The following SGTA variants were observed in gnomAD, a reference collection of about 807,000 sequenced individuals.
SGTA encodes small glutamine rich tetratricopeptide repeat co-chaperone alpha.
SGTA carries 22 observed loss-of-function variants against 44.3 expected under a neutral mutation model. The observed-to-expected ratio is 0.50, with a 90% CI of 0.36 to 0.71. SGTA has a LOEUF of 0.71. Among genes scored for constraint, SGTA ranks in the 30% least tolerant of loss-of-function variants. SGTA has a pLI of 0.00. For synonymous variants in SGTA, 174 were observed against 177.6 expected, an observed-to-expected ratio of 0.98 and a Z score of 0.16; for missense variants, 341 against 435.9, an observed-to-expected ratio of 0.78 and a Z score of 1.94.
At chr19:2,757,659 C>T (rs376853277) in intron 10 of SGTA, 34 bp downstream of exon 10, 76 of 1,506,248 alleles carry the variant, frequency 5.0e-5, no homozygotes, top group African/African-American at 1.7e-4. Context: ...CCGCCGCCCA[C>T]GTCCTCCGTC....
At position 2,767,672 on chromosome 19, in the gene SGTA, G is replaced by C; in HGVS notation, c.115C>G (p.Leu39Val). ...ACCGTCACCCCAAACGCAGTCTCCA[G>C]GCACTGGATGGCGACTGAAGCGGGG... ...QESLEVAIQC[L>V]ETAFGVTVED... The change falls in exon 3 of 12, where the codon CTG becomes GTG. Residue 39 changes from leucine (L) to valine (V), a missense_variant. Physicochemically the swap from Leu to Val is conservative, Grantham distance 32. Coordinates refer to ENST00000221566, the MANE Select transcript of SGTA (RefSeq NM_003021.4). The surrounding 1 kb of genome is among the most constrained non-coding windows in gnomAD (Gnocchi z 7.3). 4 of 1,613,528 alleles carry C rather than the reference G, an allele frequency of 2.5e-6. No individual in the cohort carries two copies. Among genetic ancestry groups the C allele is most frequent in the Non-Finnish European group, 3.4e-6 (4 of 1,179,760 alleles).
rs1464410752 is a variant in SGTA, at chr19:2,767,690, AAGCGGGGAC to A, written c.101-13_101-5del. The A allele has an allele frequency of 6.2e-7, 1 of 1,611,156 alleles. No homozygotes were observed. Among genetic ancestry groups the A allele is most frequent in the African/African-American group, 1.3e-5 (1 of 74,882 alleles). On this transcript the variant is annotated splice_region_variant and splice_polypyrimidine_tract_variant and intron_variant, in intron 2 of 11. Transcript: ENST00000221566. The surrounding 1 kb of genome is among the most constrained non-coding windows in gnomAD (Gnocchi z 7.3). ...GTCTCCAGGCACTGGATGGCGACTG[AAGCGGGGAC>A]AGAGGCGGTCCCATTCATTGCACGC...
intron 1 of SGTA, among the ~76,000 whole-genome samples, chr19:2,780,556 T>C (rs1208295591): frequency 6.6e-6 from 1 of 152,152 alleles, no homozygotes; most frequent in South Asian, 2.1e-4. Flanking sequence ...TCACCTCCCC[T>C]GCCCAACTCC....
intron 8 of SGTA, among the ~76,000 whole-genome samples, chr19:2,759,972 AAAAT>A (rs989417612): frequency 1.3e-5 from 2 of 151,982 alleles, no homozygotes; most frequent in Non-Finnish European, 2.9e-5. Context: ...AAAAGAAGTA[AAAAT>A]AAATAAATAA....
At chr19:2,772,834 A>T (rs59579366) in intron 1 of SGTA, among the ~76,000 whole-genome samples, 19,329 of 108,176 alleles carry the variant, frequency 0.18, 1,824 homozygotes, top group East Asian at 0.4. Flanking sequence ...GGGCAGGGAC[A>T]CCGAGGGCAG....
rs754072512 is a variant in SGTA at position 2,757,495 on chromosome 19, G to A, written c.828-38C>T. 16 of 1,597,432 alleles carry A rather than the reference G, an allele frequency of 1.0e-5. No homozygotes were observed. In the East Asian group the frequency reaches 3.6e-4, roughly 36 times the overall value. On this transcript the variant is annotated intron_variant, in intron 10 of 11. Coordinates refer to ENST00000221566, the MANE Select transcript of SGTA (RefSeq NM_003021.4). ...GCACATGGGGCTCAGCCAGGGCCAGGAGGCTGCCTGCTGCCTCCGTCCATC... is the reference window on the plus strand; with the variant it reads ...GCACATGGGGCTCAGCCAGGGCCAGAAGGCTGCCTGCTGCCTCCGTCCATC...
chr19:2,772,474 T>C (rs1915335943), intron 1 of SGTA, among the ~76,000 whole-genome samples: 1 of 152,218 alleles, frequency 6.6e-6, no homozygotes, highest in South Asian at 2.1e-4. Flanking sequence ...ACTCCCCAGC[T>C]GGGCCCCAGG....
chr19:2,759,405 C>T (rs1914921400), intron 8 of SGTA, 111 bp from the exon 9 acceptor site: 6 of 975,732 alleles, frequency 6.1e-6, no homozygotes, highest in Non-Finnish European at 9.8e-6. Context: ...AGCACGCCAA[C>T]CAACAGTAAG....
intron 1 of SGTA, chr19:2,782,730 CCTT>C (rs773788504): frequency 3.3e-5 from 5 of 152,344 alleles, no homozygotes; most frequent in South Asian, 2.1e-4. Context: ...CTGCGGCTCT[CCTT>C]CTCCTAGGCA....
At chr19:2,762,785 A>T in intron 6 of SGTA, 141 bp from the exon 7 acceptor site, 2 of 970,432 alleles carry the variant, frequency 2.1e-6, no homozygotes, top group Non-Finnish European at 3.1e-6. Flanking sequence ...AGCTCAGTGG[A>T]GACAAACCTG....
intron 1 of SGTA, among the ~76,000 whole-genome samples, chr19:2,779,121 G>A (rs1007500721): frequency 3.3e-5 from 5 of 152,182 alleles, no homozygotes; most frequent in African/African-American, 1.2e-4. Context: ...ACCGCCCCCA[G>A]CTGTAAATCA....
Position 2,761,873 on chromosome 19 carries a change from C to T in SGTA, c.637-351G>A, listed in dbSNP as rs1915003067. On this transcript the variant is annotated intron_variant, in intron 7 of 11. Transcript: ENST00000221566. The surrounding 1 kb of genome is among the most constrained non-coding windows in gnomAD (Gnocchi z 5.7). ...CCCGGGGACGGCACAGTCTATCATC[C>T]CGTGTTTATTCCCCGTACAGCGCGA... 6.8e-6 allele frequency among the ~76,000 whole-genome samples: 1 copy of T among 146,300 alleles called. No individual in the cohort carries two copies. Among genetic ancestry groups the T allele is most frequent in the African/African-American group, 2.6e-5 (1 of 38,018 alleles).
rs573793970 is a variant in SGTA, at chr19:2,756,195, A to G, written c.*7-262T>C. ...GTGTATGAGGTTACGGTGGTAAAAA[A>G]TCCACCTCAACTATTAAAAAAAGAA... On this transcript the variant is annotated intron_variant, in intron 11 of 11. Transcript: ENST00000221566. Among the ~76,000 whole-genome samples, 6 of 152,164 alleles carry G rather than the reference A, an allele frequency of 3.9e-5. No homozygotes were observed. The East Asian group carries it at 1.2e-3, about 29-fold the overall frequency.
chr19:2,781,346 G>A (rs915654440), intron 1 of SGTA, among the ~76,000 whole-genome samples: 1 of 152,144 alleles, frequency 6.6e-6, no homozygotes, highest in Non-Finnish European at 1.5e-5. Context: ...CTTATTTTAG[G>A]GGTCAGCAAA....
At chr19:2,760,866 G>C (rs755489599) in intron 8 of SGTA, among the ~76,000 whole-genome samples, 1 of 152,204 alleles carries the variant, frequency 6.6e-6, no homozygotes, top group Non-Finnish European at 1.5e-5. Flanking sequence ...GTACCCTGAG[G>C]CTGTGGGAGC....
At chr19:2,771,108 G>A (rs1296889866) in intron 1 of SGTA, among the ~76,000 whole-genome samples, 1 of 152,264 alleles carries the variant, frequency 6.6e-6, no homozygotes, top group African/African-American at 2.4e-5. Context: ...CCCAGCGCTT[G>A]GCGCCCTGCG....
intron 9 of SGTA, among the ~76,000 whole-genome samples, chr19:2,758,496 G>A (rs1266404661): frequency 1.3e-5 from 2 of 149,168 alleles, no homozygotes; most frequent in Non-Finnish European, 3.0e-5. Flanking sequence ...CAGCCTGGGT[G>A]ACAGAGCAAG....
At position 2,767,509 on chromosome 19, in the gene SGTA, G is replaced by A; in HGVS notation, c.207+71C>T. On this transcript the variant is annotated intron_variant, in intron 3 of 11. Coordinates refer to ENST00000221566, the MANE Select transcript of SGTA (RefSeq NM_003021.4). This position sits in a 1 kb window ranked among gnomAD's most constrained non-coding sequence, Gnocchi z 7.3. ...GGGGACGATGAGAGCGGGGCTCCTG[G>A]GGTCCCCAGGGCTGCCTGCTGTTGC... 1 of 1,283,814 alleles carries A rather than the reference G, an allele frequency of 7.8e-7. No individual in the cohort carries two copies. Among genetic ancestry groups the A allele is most frequent in the Non-Finnish European group, 1.1e-6 (1 of 888,996 alleles). The allele number at this position is 1,283,814 out of a possible 1,614,324, so 79.5% of individuals were successfully genotyped here.
At chr19:2,775,756 CAG>C (rs369865090) in intron 1 of SGTA, among the ~76,000 whole-genome samples, 168 of 152,276 alleles carry the variant, frequency 1.1e-3, no homozygotes, top group African/African-American at 3.9e-3. Context: ...GCTCTGGAAC[CAG>C]AGAGTGGTGA....
Sources: gnomAD v4.1 joint callset for allele counts (sites outside exome capture counted in the v4.1 genomes callset) on GRCh38, gnomAD v4.1.1 for gene constraint, Gnocchi (gnomAD v3.1) non-coding constraint, MANE v1.5 for transcripts, NCBI Gene and HGNC (gene_info 2026-07-23, HGNC 2026-07-21) for gene names.